The following TRIM24 variants were observed in gnomAD, a reference collection of about 807,000 sequenced individuals.
TRIM24 encodes transcription intermediary factor 1-alpha.
In TRIM24, 29 loss-of-function variants were observed where a neutral mutation model predicts 123.9. The observed-to-expected ratio is 0.23, with a 90% CI of 0.17 to 0.32. The LOEUF is 0.32. Among genes scored for constraint, TRIM24 ranks in the 10% least tolerant of loss-of-function variants. TRIM24 has a pLI of 1.00. For synonymous variants in TRIM24, 456 were observed against 461.1 expected (o/e 0.99, Z 0.14); for missense variants, 932 against 1,295.3 (o/e 0.72, Z 4.31).
chr7:138,566,623 C>T (rs1797541605), intron 9 of TRIM24, among the ~76,000 whole-genome samples: 1 of 152,134 alleles, frequency 6.6e-6, no homozygotes, highest in Non-Finnish European at 1.5e-5. Flanking sequence ...ATATGGCAGA[C>T]TAGATTTGGA....
At position 138,554,707 on chromosome 7, in the gene TRIM24, T is replaced by A. The variant is rs1797279525; in HGVS notation, c.1271T>A (p.Val424Glu). 3.7e-6 allele frequency: 6 copies of A among 1,613,722 alleles called. No individual in the cohort carries two copies. Among genetic ancestry groups the A allele is most frequent in the Non-Finnish European group, 5.1e-6 (6 of 1,179,742 alleles). The change falls in exon 9 of 19, where the codon GTA becomes GAA. Residue 424 changes from valine (V) to glutamate (E), a missense_variant. Physicochemically the swap from Val to Glu is moderately radical, Grantham distance 121. Around this residue, in one of 7 missense-constraint regions of TRIM24, gnomAD observed 527 missense variants for 691.3 expected, o/e 0.76. Coordinates refer to ENST00000343526, the MANE Select transcript of TRIM24 (RefSeq NM_015905.3). This position sits in a 1 kb window ranked among gnomAD's most constrained non-coding sequence, Gnocchi z 4.5. ...TTTTCTTTTTAATTAGGTTCTTTAG[T>A]AATCGAGGATAAAGAGAGCCAGCCA... is the stretch of plus-strand genomic sequence containing the variant. ...AQNIINLGSL[V>E]IEDKESQPQM...
chr7:138,462,363 C>G (rs1021995705), intron 1 of TRIM24, among the ~76,000 whole-genome samples: 1 of 131,198 alleles, frequency 7.6e-6, no homozygotes, highest in South Asian at 2.5e-4. Context: ...TTTTTTGAGA[C>G]GGAGTCTCGC....
intron 6 of TRIM24, among the ~76,000 whole-genome samples, chr7:138,530,592 G>A (rs1203035295): frequency 2.0e-5 from 3 of 151,670 alleles, no homozygotes; most frequent in Non-Finnish European, 4.4e-5. Flanking sequence ...GCAGCCTCTC[G>A]AGTAATTAGG....
At chr7:138,565,621 G>C (rs1563062127) in intron 9 of TRIM24, among the ~76,000 whole-genome samples, 1 of 152,218 alleles carries the variant, frequency 6.6e-6, no homozygotes, top group South Asian at 2.1e-4. Context: ...AGGAATCAGA[G>C]GACTGGAGAG....
intron 6 of TRIM24, among the ~76,000 whole-genome samples, chr7:138,537,477 C>A (rs1156791114): frequency 4.0e-5 from 5 of 123,830 alleles, no homozygotes; most frequent in Non-Finnish European, 6.4e-5. Context: ...ATAAAAATAA[C>A]CCCTTTTATC....
In TRIM24 at chr7:138,479,031, A is replaced by G. The variant is rs554872638; in HGVS notation, c.364+18119A>G. Among the ~76,000 whole-genome samples, 9 of 152,250 alleles carry G rather than the reference A, an allele frequency of 5.9e-5. No homozygotes were observed. In the South Asian group the frequency reaches 8.3e-4, roughly 14 times the overall value. On this transcript the variant is annotated intron_variant, in intron 1 of 18. Coordinates refer to ENST00000343526, the MANE Select transcript of TRIM24 (RefSeq NM_015905.3). ...AATCTTCCCTTAACAAATTCTGTCA[A>G]TTCTCCTTTCTACATCTCAGAAATC... is the stretch of plus-strand genomic sequence containing the variant.
intron 9 of TRIM24, among the ~76,000 whole-genome samples, chr7:138,556,051 TG>T (rs978836354): frequency 2.8e-4 from 42 of 152,282 alleles, no homozygotes; most frequent in African/African-American, 9.4e-4. Flanking sequence ...AGGACCATTT[TG>T]GGCTAAGAAA....
intron 6 of TRIM24, among the ~76,000 whole-genome samples, chr7:138,533,895 C>G (rs966018118): frequency 6.6e-6 from 1 of 152,092 alleles, no homozygotes; most frequent in Non-Finnish European, 1.5e-5. Context: ...ATTTCAGAGC[C>G]TGTTATTGGT....
chr7:138,564,911 C>G (rs1276029626), intron 9 of TRIM24, among the ~76,000 whole-genome samples: 1 of 152,174 alleles, frequency 6.6e-6, no homozygotes, highest in Non-Finnish European at 1.5e-5. Context: ...TACAGCGCAA[C>G]ACACTCACTC....
At chr7:138,527,394 C>G (rs1350774017) in intron 5 of TRIM24, among the ~76,000 whole-genome samples, 1 of 152,156 alleles carries the variant, frequency 6.6e-6, no homozygotes. Flanking sequence ...TCTTTATAGC[C>G]TATGTGATTA....
At chr7:138,545,493 T>C (rs1325107177) in intron 7 of TRIM24, 1 of 456,910 alleles carries the variant, frequency 2.2e-6, no homozygotes, top group Non-Finnish European at 4.4e-6. Flanking sequence ...AGAAAGAAGT[T>C]AGGCTAGGAA....
chr7:138,544,336 A>C (rs912372425), intron 7 of TRIM24, among the ~76,000 whole-genome samples: 3 of 152,170 alleles, frequency 2.0e-5, no homozygotes, highest in Non-Finnish European at 4.4e-5. Context: ...CCTTGTTATC[A>C]CAAATAGCAG....
chr7:138,533,521 T>C (rs1355000811), intron 6 of TRIM24, among the ~76,000 whole-genome samples: 1 of 152,232 alleles, frequency 6.6e-6, no homozygotes, highest in Non-Finnish European at 1.5e-5. Flanking sequence ...TTACATTTAT[T>C]GATTTGCATG....
intron 9 of TRIM24, among the ~76,000 whole-genome samples, chr7:138,561,670 G>A (rs142738643): frequency 5.3e-5 from 8 of 152,220 alleles, no homozygotes; most frequent in Non-Finnish European, 7.4e-5. Flanking sequence ...TTATGCTACC[G>A]GGCCATGCCA....
At chr7:138,477,677 T>C (rs931538620) in intron 1 of TRIM24, among the ~76,000 whole-genome samples, 1 of 152,180 alleles carries the variant, frequency 6.6e-6, no homozygotes. Flanking sequence ...TTAGTGGTTA[T>C]GTTGGTATTT....
intron 1 of TRIM24, among the ~76,000 whole-genome samples, chr7:138,501,058 T>A (rs193255563): frequency 1.3e-5 from 2 of 152,122 alleles, no homozygotes; most frequent in East Asian, 3.9e-4. Flanking sequence ...GAGTGAGTGA[T>A]GAGTGCATAT....
intron 7 of TRIM24, among the ~76,000 whole-genome samples, chr7:138,545,755 C>G (rs963188078): frequency 6.6e-6 from 1 of 152,062 alleles, no homozygotes; most frequent in Non-Finnish European, 1.5e-5. Flanking sequence ...TACCAGAAAA[C>G]TACCAAAATG....
At chr7:138,564,909 A>G (rs1797503935) in intron 9 of TRIM24, among the ~76,000 whole-genome samples, 1 of 152,064 alleles carries the variant, frequency 6.6e-6, no homozygotes, top group Non-Finnish European at 1.5e-5. Context: ...GTTACAGCGC[A>G]ACACACTCAC....
chr7:138,477,093 A>G (rs1795421180), intron 1 of TRIM24, among the ~76,000 whole-genome samples: 1 of 152,188 alleles, frequency 6.6e-6, no homozygotes, highest in Non-Finnish European at 1.5e-5. Context: ...TCTATCCACT[A>G]AAAGGATCTA....
Sources: gnomAD v4.1 joint callset for allele counts (sites outside exome capture counted in the v4.1 genomes callset) on GRCh38, gnomAD v4.1.1 for gene constraint, gnomAD v4.1.1 regional missense constraint, Gnocchi (gnomAD v3.1) non-coding constraint, MANE v1.5 for transcripts, NCBI Gene and HGNC (gene_info 2026-07-23, HGNC 2026-07-21) for gene names.